ROBO1: variants seen among roughly 807,000 people sequenced by gnomAD.
The protein encoded by ROBO1 is roundabout homolog 1.
Under a neutral mutation model 195.9 loss-of-function variants are expected in ROBO1, and 149 were observed. The ratio of observed to expected loss-of-function variants is 0.76; its 90% CI spans 0.67 to 0.87. ROBO1 has a LOEUF of 0.87. Among genes scored for constraint, ROBO1 ranks in the 40% least tolerant of loss-of-function variants. The probability of loss-of-function intolerance (pLI) is 0.00; values close to 1 mark genes in which losing one functional copy is unlikely to be tolerated. For missense variants in ROBO1, 1,933 were observed against 2,068.3 expected (o/e 0.93, Z 1.27); for synonymous variants, 816 against 733.2 (o/e 1.11, Z -1.82).
intron 8 of ROBO1, among the ~76,000 whole-genome samples, chr3:78,699,395 CAA>C (rs60574193): frequency 0.025 from 2,090 of 83,036 alleles, 66 homozygotes; most frequent in African/African-American, 0.091. Flanking sequence ...ACTAAAAATA[CAA>C]AAAAAAAAAA....
chr3:78,692,303 T>C (rs1231624296), intron 8 of ROBO1, among the ~76,000 whole-genome samples: 15 of 152,258 alleles, frequency 9.9e-5, no homozygotes, highest in African/African-American at 3.4e-4. Flanking sequence ...CTTGTCTCAC[T>C]CTGTTGCCCA....
rs2107202701 is a variant in ROBO1 at position 78,598,794 on chromosome 3, AACG to A, written c.*116_*118del. 3 of 609,678 alleles carry A rather than the reference AACG, an allele frequency of 4.9e-6. No individual in the cohort carries two copies. The highest frequency in any genetic ancestry group is 5.7e-6 in the Non-Finnish European group (2 of 353,828). 37.8% of individuals were successfully genotyped at this position (609,678 alleles called of 1,614,324 possible). A position where few individuals can be genotyped will look rare whatever the true frequency, so the allele number is the denominator to read the frequency against. On this transcript the variant is annotated 3_prime_UTR_variant, in exon 31 of 31. Transcript: ENST00000464233. ...ATGATATCCCAATAAGAGGAATAAA[AACG>A]ACAATTTGTACACTCTGATTGCACT...
intron 1 of ROBO1, among the ~76,000 whole-genome samples, chr3:79,603,356 C>T (rs190100395): frequency 1.3e-5 from 2 of 151,972 alleles, no homozygotes; most frequent in Non-Finnish European, 2.9e-5. Flanking sequence ...TCTGGAAGAA[C>T]CAAGGGCATC....
In ROBO1 at chr3:79,450,756, T is replaced by C. The variant is rs1407625566; in HGVS notation, c.88+139068A>G. Among the ~76,000 whole-genome samples, 3 of 152,030 alleles carry C rather than the reference T, an allele frequency of 2.0e-5. No individual in the cohort carries two copies. The East Asian group carries it at 5.8e-4, about 29-fold the overall frequency. ...CTACAATTTTAAATAATTTCTTATA[T>C]TAACACTCTAACATTCTATAATACC... On this transcript the variant is annotated intron_variant, in intron 2 of 30. Coordinates refer to ENST00000464233, the MANE Select transcript of ROBO1 (RefSeq NM_002941.4).
At chr3:79,739,352 G>C (rs1200003908) in intron 1 of ROBO1, among the ~76,000 whole-genome samples, 1 of 152,068 alleles carries the variant, frequency 6.6e-6, no homozygotes, top group Non-Finnish European at 1.5e-5. Context: ...GAGACAAAGG[G>C]ATGAAATAAG....
chr3:79,401,577 G>A (rs2037367613), intron 2 of ROBO1, among the ~76,000 whole-genome samples: 1 of 151,780 alleles, frequency 6.6e-6, no homozygotes, highest in Non-Finnish European at 1.5e-5. Flanking sequence ...TTTTAATTAA[G>A]TTTTTGAAAG....
intron 2 of ROBO1, among the ~76,000 whole-genome samples, chr3:79,155,107 T>C (rs536991947): frequency 3.3e-5 from 5 of 151,752 alleles, no homozygotes; most frequent in East Asian, 1.9e-4. Flanking sequence ...CAAACAAAGA[T>C]AGCAGGCTAC....
chr3:79,147,309 C>T (rs1181242117), intron 2 of ROBO1, among the ~76,000 whole-genome samples: 3 of 151,864 alleles, frequency 2.0e-5, no homozygotes, highest in Non-Finnish European at 4.4e-5. Flanking sequence ...TTCTGTTTGA[C>T]GAAAGCCAAG....
At chr3:78,618,340 G>A (rs1479412136) in intron 26 of ROBO1, among the ~76,000 whole-genome samples, 1 of 152,134 alleles carries the variant, frequency 6.6e-6, no homozygotes, top group African/African-American at 2.4e-5. Context: ...AAAAGGAAAA[G>A]TAATACTTGT....
chr3:79,228,525 G>T (rs1264285742), intron 2 of ROBO1, among the ~76,000 whole-genome samples: 1 of 152,030 alleles, frequency 6.6e-6, no homozygotes, highest in Non-Finnish European at 1.5e-5. Flanking sequence ...GCAAGAAATT[G>T]GTATAATTTC....
At chr3:78,644,565 A>G (rs773323951) in intron 21 of ROBO1, among the ~76,000 whole-genome samples, 5 of 152,180 alleles carry the variant, frequency 3.3e-5, no homozygotes, top group Non-Finnish European at 7.4e-5. Flanking sequence ...TTTGAAATAA[A>G]TCAGTTTCAC....
At chr3:79,059,625 T>C (rs62257539) in intron 3 of ROBO1, among the ~76,000 whole-genome samples, 3,815 of 152,140 alleles carry the variant, frequency 0.025, 72 homozygotes, top group Non-Finnish European at 0.04. Context: ...AATTAATACT[T>C]TTATAATTTC....
At chr3:78,979,330 T>C (rs975444643) in intron 3 of ROBO1, among the ~76,000 whole-genome samples, 4 of 152,190 alleles carry the variant, frequency 2.6e-5, no homozygotes, top group African/African-American at 9.7e-5. Flanking sequence ...TATCTCACAC[T>C]GTCTTTGGAG....
intron 1 of ROBO1, among the ~76,000 whole-genome samples, chr3:79,640,929 T>C (rs1051816642): frequency 5.3e-5 from 8 of 152,128 alleles, no homozygotes; most frequent in African/African-American, 1.9e-4. Context: ...GAATGTAAAA[T>C]TGGATTGCTC....
intron 2 of ROBO1, among the ~76,000 whole-genome samples, chr3:79,272,316 T>C (rs1313099334): frequency 6.6e-6 from 1 of 152,046 alleles, no homozygotes; most frequent in African/African-American, 2.4e-5. Context: ...AATATGCATA[T>C]ACATATTAAA....
chr3:79,412,873 G>GAT (rs2037832730), intron 2 of ROBO1, among the ~76,000 whole-genome samples: 1 of 34,834 alleles, frequency 2.9e-5, no homozygotes, highest in African/African-American at 1.2e-4. Context: ...CTCATGAGCT[G>GAT]ATTTTTTTTT....
intron 1 of ROBO1, among the ~76,000 whole-genome samples, chr3:79,634,719 T>G (rs1945445176): frequency 6.6e-6 from 1 of 152,178 alleles, no homozygotes; most frequent in African/African-American, 2.4e-5. Flanking sequence ...TTTAAAATTA[T>G]AAACAGGTTG....
At chr3:79,159,800 A>G (rs1444309771) in intron 2 of ROBO1, among the ~76,000 whole-genome samples, 1 of 152,056 alleles carries the variant, frequency 6.6e-6, no homozygotes, top group African/African-American at 2.4e-5. Flanking sequence ...CGGTCTGGCC[A>G]TCAGATTTGC....
chr3:79,200,422 T>A (rs536904228), intron 2 of ROBO1, among the ~76,000 whole-genome samples: 29 of 151,988 alleles, frequency 1.9e-4, no homozygotes, highest in African/African-American at 6.5e-4. Flanking sequence ...TTAAAAAATA[T>A]ACATATATTT....
Sources: allele counts gnomAD v4.1 joint callset (sites outside exome capture counted in the v4.1 genomes callset), GRCh38; gene constraint gnomAD v4.1.1; transcripts MANE v1.5; gene names NCBI Gene and HGNC (gene_info 2026-07-23, HGNC 2026-07-21).